Variants in CCDC141 observed in about 807,000 individuals in gnomAD.
CCDC141 encodes coiled-coil domain containing 141, also known as coiled-coil domain-containing protein 141.
A neutral mutation model predicts 181.0 loss-of-function variants in CCDC141; 168 were observed. The ratio of observed to expected loss-of-function variants is 0.93; its 90% CI spans 0.82 to 1.05. CCDC141 has a LOEUF of 1.05. Among genes scored for constraint, CCDC141 ranks in the 50% least tolerant of loss-of-function variants. CCDC141 has a pLI of 0.00. For synonymous variants in CCDC141, 666 were observed against 642.3 expected (o/e 1.04, Z -0.56); for missense variants, 1,902 against 1,788.5 (o/e 1.06, Z -1.14).
At chr2:178,969,766 T>C (rs1320251274) in intron 4 of CCDC141, among the ~76,000 whole-genome samples, 1 of 152,210 alleles carries the variant, frequency 6.6e-6, no homozygotes, top group African/African-American at 2.4e-5. Flanking sequence ...TATTGGAAGT[T>C]CTGGCCAGGG....
At chr2:178,968,812 A>T (rs1035601200) in intron 4 of CCDC141, among the ~76,000 whole-genome samples, 11 of 152,128 alleles carry the variant, frequency 7.2e-5, no homozygotes, top group Admixed American at 7.2e-4. Flanking sequence ...GGGTGTTTGA[A>T]AAGATCAACA....
chr2:178,871,370 C>T lies in CCDC141; in HGVS notation c.2205+57G>A, dbSNP rs561447679. 9.3e-5 allele frequency: 145 copies of T among 1,553,774 alleles called. No homozygotes were observed. In the Admixed American group the frequency reaches 9.9e-4, roughly 11 times the overall value. ...TTACAATTAATCAGGTAAACTGCAA[C>T]CAAACAGTTTTAAGTATTTTTTCCA... is the stretch of plus-strand genomic sequence containing the variant. On this transcript the variant is annotated intron_variant, in intron 14 of 23. Coordinates refer to ENST00000443758, the MANE Select transcript of CCDC141 (RefSeq NM_173648.4).
chr2:178,937,041 G>A (rs913564786), intron 6 of CCDC141, among the ~76,000 whole-genome samples: 2 of 152,120 alleles, frequency 1.3e-5, no homozygotes, highest in African/African-American at 4.8e-5. Context: ...TGCAAAAAGA[G>A]AGAGTTTGAC....
chr2:178,902,998 A>G (rs1687780230), intron 8 of CCDC141, among the ~76,000 whole-genome samples: 1 of 149,218 alleles, frequency 6.7e-6, no homozygotes, highest in Non-Finnish European at 1.5e-5. Context: ...CAAAAAACAC[A>G]TGAAAAAGTG....
intron 2 of CCDC141, among the ~76,000 whole-genome samples, chr2:178,983,014 G>A (rs1310183936): frequency 2.0e-5 from 3 of 152,186 alleles, no homozygotes; most frequent in African/African-American, 7.2e-5. Flanking sequence ...TGGGGGCAGG[G>A]CACAGACAAA....
chr2:178,854,284 G>C (rs1209500514), intron 19 of CCDC141, among the ~76,000 whole-genome samples: 2 of 152,182 alleles, frequency 1.3e-5, no homozygotes, highest in African/African-American at 4.8e-5. Context: ...CAGCACTTTG[G>C]GAGGCCGAGG....
At chr2:178,870,363 G>C (rs1025705770) in intron 14 of CCDC141, among the ~76,000 whole-genome samples, 1 of 151,638 alleles carries the variant, frequency 6.6e-6, no homozygotes, top group Non-Finnish European at 1.5e-5. Flanking sequence ...ATTTTCAGAA[G>C]AGTGACCTAA....
chr2:178,883,813 G>A (rs1470823669), intron 11 of CCDC141, among the ~76,000 whole-genome samples: 1 of 151,968 alleles, frequency 6.6e-6, no homozygotes, highest in African/African-American at 2.4e-5. Context: ...ACAGCTTCAA[G>A]AAGCAATGAC....
In CCDC141 at chr2:178,857,601, C is replaced by G. The variant is rs1169874341; in HGVS notation, c.2725-1204G>C. ...TTAAATGCACCACTTTCTGTCCCTT[C>G]TCTATATTTAAGAAGGATAAGCATA... is the stretch of plus-strand genomic sequence containing the variant. On this transcript the variant is annotated intron_variant, in intron 17 of 23. Coordinates refer to ENST00000443758, the MANE Select transcript of CCDC141 (RefSeq NM_173648.4). Among the ~76,000 whole-genome samples the G allele has an allele frequency of 5.3e-5, 8 of 152,120 alleles. No homozygotes were observed. The East Asian group carries it at 1.5e-3, about 29-fold the overall frequency.
chr2:178,865,966 A>T, intron 16 of CCDC141, 50 bp from the exon 17 acceptor site: 1 of 1,333,354 alleles, frequency 7.5e-7, no homozygotes, highest in East Asian at 2.8e-5. Flanking sequence ...AACAGCAATA[A>T]GACGAGTAGG....
intron 2 of CCDC141, among the ~76,000 whole-genome samples, chr2:179,039,623 C>T (rs1403875218): frequency 6.6e-5 from 10 of 152,156 alleles, no homozygotes; most frequent in Admixed American, 6.5e-4. Flanking sequence ...CCTTCCAATG[C>T]CATTTTCACA....
intron 22 of CCDC141, among the ~76,000 whole-genome samples, chr2:178,844,279 A>G (rs1317093880): frequency 6.6e-6 from 1 of 152,156 alleles, no homozygotes; most frequent in Admixed American, 6.5e-5. Flanking sequence ...ATTTAAGGCT[A>G]TTCTTTATTG....
At chr2:178,923,750 G>A (rs1423160358) in intron 6 of CCDC141, among the ~76,000 whole-genome samples, 1 of 152,070 alleles carries the variant, frequency 6.6e-6, no homozygotes. Flanking sequence ...AGGTCACTCC[G>A]TTATTTTCAT....
At chr2:178,980,547 A>G (rs1031956983) in intron 2 of CCDC141, among the ~76,000 whole-genome samples, 1 of 152,210 alleles carries the variant, frequency 6.6e-6, no homozygotes, top group African/African-American at 2.4e-5. Context: ...AGGCTGAAGC[A>G]AGAAAAAGGT....
Position 178,923,817 on chromosome 2 carries a change from G to A in CCDC141, c.898-4910C>T, listed in dbSNP as rs190471300. 1.3e-3 allele frequency among the ~76,000 whole-genome samples: 192 copies of A among 152,230 alleles called. 1 individual carries two copies. The highest frequency in any genetic ancestry group is 4.5e-3 in the African/African-American group (185 of 41,540). On this transcript the variant is annotated intron_variant, in intron 6 of 23. Coordinates refer to ENST00000443758, the MANE Select transcript of CCDC141 (RefSeq NM_173648.4). ...TACCTTTCAGTATTCCATTTCCTGA[G>A]GAAATTGAGCTTTTCTTGGATCCCT...
intron 9 of CCDC141, 113 bp downstream of exon 9, chr2:178,888,414 T>C: frequency 1.1e-6 from 1 of 912,130 alleles, no homozygotes; most frequent in Non-Finnish European, 1.7e-6. Flanking sequence ...ATGTGGTACA[T>C]AAGGGCAGCC....
intron 4 of CCDC141, among the ~76,000 whole-genome samples, chr2:178,963,216 G>A (rs1473485995): frequency 6.6e-6 from 1 of 152,176 alleles, no homozygotes; most frequent in Non-Finnish European, 1.5e-5. Flanking sequence ...GAGAAGTTGA[G>A]AAGAAGATTT....
Position 178,831,189 on chromosome 2 carries a change from A to G in CCDC141, c.*2984T>C, listed in dbSNP as rs1054184870. The G allele has an allele frequency of 2.0e-5, 3 of 152,190 alleles. No homozygotes were observed. Among genetic ancestry groups the G allele is most frequent in the Non-Finnish European group, 4.4e-5 (3 of 68,026 alleles). The allele number at this position is 152,190 out of a possible 1,614,324, so 9.4% of individuals were successfully genotyped here. On this transcript the variant is annotated 3_prime_UTR_variant, in exon 24 of 24. Transcript: ENST00000443758. The stretch of plus-strand genomic sequence containing the variant: ...GAGATTCAAATGTACAGATTCCTAC[A>G]GTAAATTTCTCTTGGAATTGAGTGT...
At chr2:178,911,857 T>C (rs1688233916) in intron 7 of CCDC141, among the ~76,000 whole-genome samples, 1 of 152,230 alleles carries the variant, frequency 6.6e-6, no homozygotes, top group Non-Finnish European at 1.5e-5. Flanking sequence ...GGAGGCACTA[T>C]GTGTAGATGA....
Sources: allele counts gnomAD v4.1 joint callset (sites outside exome capture counted in the v4.1 genomes callset), GRCh38; gene constraint gnomAD v4.1.1; transcripts MANE v1.5; gene names NCBI Gene and HGNC (gene_info 2026-07-23, HGNC 2026-07-21).